The following PCNX2 variants were observed in gnomAD, a reference collection of about 807,000 sequenced individuals.
The protein encoded by PCNX2 is pecanex-like protein 2.
Under a neutral mutation model 223.8 loss-of-function variants are expected in PCNX2, and 168 were observed. The observed-to-expected ratio is 0.75, with a 90% CI of 0.66 to 0.85. The LOEUF (loss-of-function observed/expected upper bound fraction) is 0.85. Among genes scored for constraint, PCNX2 ranks in the 40% least tolerant of loss-of-function variants. The probability of loss-of-function intolerance (pLI) is 0.00; values close to 1 mark genes in which losing one functional copy is unlikely to be tolerated. For synonymous variants in PCNX2, 1,006 were observed against 1,052.6 expected, an observed-to-expected ratio of 0.96 and a Z score of 0.86; for missense variants, 2,507 against 2,675.5, an observed-to-expected ratio of 0.94 and a Z score of 1.39.
At chr1:233,282,583 C>G (rs1661246420) in intron 1 of PCNX2, among the ~76,000 whole-genome samples, 1 of 152,198 alleles carries the variant, frequency 6.6e-6, no homozygotes, top group African/African-American at 2.4e-5. Context: ...ATTCCTCCCC[C>G]ATCCTTACGC....
At chr1:233,146,327 T>C (rs1460058741) in intron 19 of PCNX2, among the ~76,000 whole-genome samples, 10 of 152,134 alleles carry the variant, frequency 6.6e-5, no homozygotes, top group African/African-American at 1.7e-4. Context: ...TTTTTAGTGG[T>C]TGAGGGAATT....
At chr1:233,309,910 T>G in the PCNX2 span, among the ~76,000 whole-genome samples, 1 of 152,022 alleles carries the variant, frequency 6.6e-6, no homozygotes, top group Non-Finnish European at 1.5e-5. Flanking sequence ...TAATAAAAAT[T>G]TTTGGAATAA....
chr1:233,293,916 A>C, intron 1 of PCNX2: 1 of 968,308 alleles, frequency 1.0e-6, no homozygotes, highest in Non-Finnish European at 1.2e-6. Context: ...GGAAAAGAGA[A>C]ACCACTGGGG....
At chr1:233,141,797 G>A (rs936234604) in intron 19 of PCNX2, among the ~76,000 whole-genome samples, 23 of 145,240 alleles carry the variant, frequency 1.6e-4, no homozygotes, top group South Asian at 6.6e-4. Flanking sequence ...GTGTGTGTGT[G>A]TGTATATGAA....
At chr1:233,029,528 T>C (rs569718285) in intron 25 of PCNX2, among the ~76,000 whole-genome samples, 4 of 152,064 alleles carry the variant, frequency 2.6e-5, no homozygotes, top group African/African-American at 9.6e-5. Flanking sequence ...TCATCTAATA[T>C]TGTTTTTTAG....
chr1:233,129,518 GA>G (rs1676324336), intron 21 of PCNX2, among the ~76,000 whole-genome samples: 2 of 152,238 alleles, frequency 1.3e-5, no homozygotes. Context: ...CACAGTGCGG[GA>G]CTGGCAGGCA....
intron 21 of PCNX2, among the ~76,000 whole-genome samples, chr1:233,104,972 C>T (rs988176373): frequency 1.5e-4 from 23 of 152,034 alleles, no homozygotes; most frequent in Non-Finnish European, 2.6e-4. Flanking sequence ...CAATGAAAAG[C>T]AGTAGTACCA....
chr1:233,125,324 C>T (rs1051884774), intron 21 of PCNX2, among the ~76,000 whole-genome samples: 4 of 152,232 alleles, frequency 2.6e-5, no homozygotes, highest in Middle Eastern at 6.3e-3. Context: ...CCTTCCTCTA[C>T]CTGCTTCTTA....
At chr1:233,045,239 G>T (rs1671786024) in intron 25 of PCNX2, among the ~76,000 whole-genome samples, 5 of 152,170 alleles carry the variant, frequency 3.3e-5, no homozygotes, top group Admixed American at 3.3e-4. Context: ...GAATGTACAA[G>T]GAAATGATGT....
In PCNX2 at chr1:233,240,433, A is replaced by G. The variant is rs182604835; in HGVS notation, c.2223-3453T>C. Among the ~76,000 whole-genome samples, 54 of 152,314 alleles carry G rather than the reference A, an allele frequency of 3.5e-4. 1 individual carries two copies. The East Asian group carries it at 0.01, about 28-fold the overall frequency. ...CAAAGCGTTTCCCACATTAATACAT[A>G]TAAAGTGAAAGCGTTAAGTTTCAAG... On this transcript the variant is annotated intron_variant, in intron 8 of 33. Coordinates refer to ENST00000258229, the MANE Select transcript of PCNX2 (RefSeq NM_014801.4).
intron 17 of PCNX2, among the ~76,000 whole-genome samples, chr1:233,163,660 C>T (rs1171785291): frequency 6.6e-6 from 1 of 151,562 alleles, no homozygotes; most frequent in African/African-American, 2.4e-5. Flanking sequence ...ATCCATTACA[C>T]CCCAATGTTT....
At chr1:233,046,074 G>C (rs575276255) in intron 25 of PCNX2, among the ~76,000 whole-genome samples, 1 of 152,342 alleles carries the variant, frequency 6.6e-6, no homozygotes, top group Admixed American at 6.5e-5. Context: ...GAGGAAGACA[G>C]GATACTTTCT....
At chr1:233,024,523 C>A (rs528101480) in intron 26 of PCNX2, among the ~76,000 whole-genome samples, 6 of 152,304 alleles carry the variant, frequency 3.9e-5, no homozygotes, top group African/African-American at 1.4e-4. Flanking sequence ...CACCTCAGCC[C>A]GGATGAACAC....
At chr1:233,114,743 G>T (rs1675311292) in intron 21 of PCNX2, among the ~76,000 whole-genome samples, 1 of 152,100 alleles carries the variant, frequency 6.6e-6, no homozygotes, top group African/African-American at 2.4e-5. Context: ...AGCTTCTGTG[G>T]GGCAAAAGGT....
At chr1:233,310,485 C>A in the PCNX2 span, among the ~76,000 whole-genome samples, 1,603 of 152,244 alleles carry the variant, frequency 0.011, 28 homozygotes, top group African/African-American at 0.036. Context: ...TAATGCGGAC[C>A]ACATTTCCCA....
At chr1:233,185,233 C>T (rs1172803611) in intron 15 of PCNX2, among the ~76,000 whole-genome samples, 1 of 151,940 alleles carries the variant, frequency 6.6e-6, no homozygotes, top group African/African-American at 2.4e-5. Context: ...CTGCCATTTT[C>T]CAAAACCCAC....
At position 233,135,181 on chromosome 1, in the gene PCNX2, A is replaced by G; in HGVS notation, c.3669T>C (p.Ile1223=). Residue 1223 remains isoleucine (I), a synonymous_variant, in exon 21 of 34, where the codon ATT becomes ATC. Transcript: ENST00000258229. The part of the protein sequence containing the change: ...NHRRLGTHWD[I]FLMIIAGMKL... Reference sequence around the variant, plus strand: ...TCATGCCAGCAATGATCATCAGAAAAATGTCCCAGCTGTTGGAAACAAAAG... The same window carrying G: ...TCATGCCAGCAATGATCATCAGAAAGATGTCCCAGCTGTTGGAAACAAAAG... The G allele has an allele frequency of 1.2e-6, 2 of 1,613,386 alleles. No individual in the cohort carries two copies. Among genetic ancestry groups the G allele is most frequent in the Non-Finnish European group, 1.7e-6 (2 of 1,179,654 alleles).
chr1:233,259,845 T>A, intron 4 of PCNX2: 1 of 898,994 alleles, frequency 1.1e-6, no homozygotes, highest in Non-Finnish European at 1.3e-6. Context: ...ACACTCCCAC[T>A]GTGAAATTAT....
At chr1:233,028,621 T>G (rs1245741788) in intron 25 of PCNX2, among the ~76,000 whole-genome samples, 1 of 152,152 alleles carries the variant, frequency 6.6e-6, no homozygotes, top group Non-Finnish European at 1.5e-5. Context: ...GGTGTGAGGG[T>G]TCCTAAGACT....
Sources: gnomAD v4.1 joint callset for allele counts (sites outside exome capture counted in the v4.1 genomes callset) on GRCh38, gnomAD v4.1.1 for gene constraint, MANE v1.5 for transcripts, NCBI Gene and HGNC (gene_info 2026-07-23, HGNC 2026-07-21) for gene names.